NDUFA10: variants seen among roughly 807,000 people sequenced by gnomAD.
NDUFA10 encodes the protein NADH:ubiquinone oxidoreductase subunit A10.
Under a neutral mutation model 47.8 loss-of-function variants are expected in NDUFA10, and 40 were observed. The ratio of observed to expected loss-of-function variants is 0.84; its 90% CI spans 0.65 to 1.09. The LOEUF is 1.09. NDUFA10 is among the 50% of genes least tolerant of loss of function. The pLI, the probability that NDUFA10 is intolerant of heterozygous loss-of-function variation, is 0.00. For synonymous variants in NDUFA10, 183 were observed against 172.2 expected, an observed-to-expected ratio of 1.06 and a Z score of -0.49; for missense variants, 413 against 451.1, an observed-to-expected ratio of 0.92 and a Z score of 0.76.
intron 8 of NDUFA10, 64 bp from the exon 9 acceptor site, chr2:239,990,246 A>G (rs918162638): frequency 2.0e-5 from 27 of 1,354,286 alleles, no homozygotes; most frequent in Non-Finnish European, 2.5e-5. Context: ...AAAGAAGTGT[A>G]AGTCCGATTT....
rs1697523099 is a variant in NDUFA10 at position 240,019,566 on chromosome 2, C to T, written c.461-927G>A. Among the ~76,000 whole-genome samples, 2 of 27,728 alleles carry T rather than the reference C, an allele frequency of 7.2e-5. 1 individual carries two copies. Among genetic ancestry groups the T allele is most frequent in the Non-Finnish European group, 1.6e-4 (2 of 12,586 alleles). 18.2% of individuals were successfully genotyped at this position (27,728 alleles called of 152,430 possible). On this transcript the variant is annotated intron_variant, in intron 3 of 9. Transcript: ENST00000252711. ...GGGCGCGGTGGCTCACGCCTGTAATCCCAGCACTTTGGGAGGCCGAGGCGG... is the reference window on the plus strand; with the variant it reads ...GGGCGCGGTGGCTCACGCCTGTAATTCCAGCACTTTGGGAGGCCGAGGCGG...
Position 239,977,577 on chromosome 2 carries a change from T to C in NDUFA10, c.999+12497A>G, listed in dbSNP as rs138229852. 4.6e-5 allele frequency among the ~76,000 whole-genome samples: 7 copies of C among 152,244 alleles called. No homozygotes were observed. In the East Asian group the frequency reaches 1.4e-3, roughly 29 times the overall value. On this transcript the variant is annotated intron_variant, in intron 9 of 9. Coordinates refer to ENST00000252711, the MANE Select transcript of NDUFA10 (RefSeq NM_004544.4). ...TGCCCCTTAAAGGCCAGTCAAGACA[T>C]CTCCAAAACCAATCTGTTCCAGAGA...
intron 9 of NDUFA10, among the ~76,000 whole-genome samples, chr2:239,975,894 G>T (rs1695498454): frequency 6.6e-6 from 1 of 152,110 alleles, no homozygotes; most frequent in South Asian, 2.1e-4. Context: ...ATCTCTCGCT[G>T]TTCCCAACCA....
At chr2:239,992,381 T>C (rs1281292795) in intron 8 of NDUFA10, among the ~76,000 whole-genome samples, 1 of 152,246 alleles carries the variant, frequency 6.6e-6, no homozygotes, top group East Asian at 1.9e-4. Context: ...TTGTAAATAG[T>C]GTTTTATGAC....
At chr2:239,998,507 C>T (rs1252522656) in intron 8 of NDUFA10, among the ~76,000 whole-genome samples, 2 of 149,774 alleles carry the variant, frequency 1.3e-5, no homozygotes, top group Non-Finnish European at 3.0e-5. Context: ...TGTGGCAGGG[C>T]CTCCTTGCGA....
intron 4 of NDUFA10, among the ~76,000 whole-genome samples, chr2:239,935,269 A>C (rs1234193166): frequency 6.6e-6 from 1 of 152,222 alleles, no homozygotes; most frequent in Non-Finnish European, 1.5e-5. Context: ...AGTAAGAGCC[A>C]ACCCAAAGGC....
chr2:239,904,185 C>T lies in NDUFA10; in HGVS notation c.295-8871G>A, dbSNP rs369154007. On this transcript the variant is annotated intron_variant, in intron 4 of 5. Coordinates refer to the NDUFA10 transcript ENST00000419408. ...ACACCCCAGAGATGGCCAGAACCTTCCAGTGTGCCCCGGGGGACACTGGCC... is the reference window on the plus strand; with the variant it reads ...ACACCCCAGAGATGGCCAGAACCTTTCAGTGTGCCCCGGGGGACACTGGCC... 1.7e-3 allele frequency among the ~76,000 whole-genome samples: 262 copies of T among 152,302 alleles called. 1 individual carries two copies. The highest frequency in any genetic ancestry group is 5.9e-3 in the African/African-American group (246 of 41,560).
intron 9 of NDUFA10, among the ~76,000 whole-genome samples, chr2:239,986,396 C>T (rs1372973224): frequency 6.6e-6 from 1 of 152,166 alleles, no homozygotes; most frequent in Non-Finnish European, 1.5e-5. Context: ...GGGATTCCGG[C>T]AGGTAAATAC....
chr2:239,982,223 C>A (rs768082291), intron 9 of NDUFA10: 26 of 1,612,810 alleles, frequency 1.6e-5, no homozygotes, highest in Non-Finnish European at 2.0e-5. Flanking sequence ...TCCCCAGCTA[C>A]AAGGTTAGAC....
chr2:240,004,293 G>C (rs1696851044), intron 8 of NDUFA10, among the ~76,000 whole-genome samples: 1 of 152,204 alleles, frequency 6.6e-6, no homozygotes, highest in African/African-American at 2.4e-5. Context: ...AGTTTCAATA[G>C]AGTGGTGCAG....
chr2:239,993,704 G>A (rs1431642569), intron 8 of NDUFA10, among the ~76,000 whole-genome samples: 1 of 152,120 alleles, frequency 6.6e-6, no homozygotes, highest in African/African-American at 2.4e-5. Context: ...AAGAACCAGG[G>A]GATTACACAC....
At chr2:239,926,994 T>C (rs1416308971) in intron 4 of NDUFA10, among the ~76,000 whole-genome samples, 2 of 152,080 alleles carry the variant, frequency 1.3e-5, no homozygotes, top group Non-Finnish European at 2.9e-5. Context: ...ATGAGACTGA[T>C]TCACTGTGAC....
intron 4 of NDUFA10, among the ~76,000 whole-genome samples, chr2:239,917,820 T>C (rs1447817068): frequency 6.6e-6 from 1 of 152,238 alleles, no homozygotes; most frequent in East Asian, 1.9e-4. Flanking sequence ...ATCCTCCTGC[T>C]TTACCCCAAG....
At chr2:239,970,401 G>A (rs1695260417) in intron 9 of NDUFA10, among the ~76,000 whole-genome samples, 1 of 152,190 alleles carries the variant, frequency 6.6e-6, no homozygotes, top group Non-Finnish European at 1.5e-5. Flanking sequence ...AACTGCTAAA[G>A]GAAGTTATTC....
intron 4 of NDUFA10, among the ~76,000 whole-genome samples, chr2:239,950,762 C>G (rs918979791): frequency 1.3e-5 from 2 of 152,212 alleles, no homozygotes; most frequent in South Asian, 4.1e-4. Flanking sequence ...TCCCCGTGGT[C>G]GGCTGTGCAG....
rs1347809033 is a variant in NDUFA10, at chr2:240,018,690, A to G, written c.461-51T>C. On this transcript the variant is annotated intron_variant, in intron 3 of 9. Transcript: ENST00000252711. ...TTGAAAATCAGACAGATAGCAAAGC[A>G]CTGTCAACTGATCACTGCATTCCAG... 3 of 1,554,282 alleles carry G rather than the reference A, an allele frequency of 1.9e-6. No individual in the cohort carries two copies. In the Admixed American group the frequency reaches 5.1e-5, roughly 26 times the overall value.
At chr2:239,971,403 T>C (rs1176364441) in intron 9 of NDUFA10, among the ~76,000 whole-genome samples, 1 of 152,254 alleles carries the variant, frequency 6.6e-6, no homozygotes, top group African/African-American at 2.4e-5. Flanking sequence ...AGTGCTGTCC[T>C]GAGCCACCTC....
intron 5 of NDUFA10, 129 bp downstream of exon 5, chr2:240,014,610 A>G: frequency 7.0e-7 from 1 of 1,431,722 alleles, no homozygotes; most frequent in Non-Finnish European, 9.8e-7. Context: ...CTCAAGTGGG[A>G]ACAGGGTGTG....
At chr2:240,007,233 T>A in intron 7 of NDUFA10, 83 bp downstream of exon 7, 1 of 1,056,642 alleles carries the variant, frequency 9.5e-7, no homozygotes, top group Non-Finnish European at 1.4e-6. Flanking sequence ...CCAGTGGGAA[T>A]CTAACTGACG....
Sources: gnomAD v4.1 joint callset for allele counts (sites outside exome capture counted in the v4.1 genomes callset) on GRCh38, gnomAD v4.1.1 for gene constraint, MANE v1.5 for transcripts, NCBI Gene and HGNC (gene_info 2026-07-23, HGNC 2026-07-21) for gene names.